The following PDE8B variants were observed in gnomAD, a reference collection of about 807,000 sequenced individuals.
The protein encoded by PDE8B is phosphodiesterase 8B, also known as high affinity cAMP-specific and IBMX-insensitive 3',5'-cyclic phosphodiesterase 8B.
A neutral mutation model predicts 101.3 loss-of-function variants in PDE8B; 26 were observed. That is an observed-to-expected ratio of 0.26 (90% CI 0.19 to 0.36). The LOEUF (loss-of-function observed/expected upper bound fraction) is 0.36, where lower values mean the gene tolerates loss of function less well. Ranked by LOEUF, PDE8B falls within the 10% of genes least tolerant of loss-of-function variation. The pLI, the probability that PDE8B is intolerant of heterozygous loss-of-function variation, is 1.00. For missense variants in PDE8B, 810 were observed against 1,163.1 expected (o/e 0.70, Z 4.42); for synonymous variants, 424 against 429.3 (o/e 0.99, Z 0.15).
intron 1 of PDE8B, among the ~76,000 whole-genome samples, chr5:77,218,338 T>C (rs537580451): frequency 6.6e-6 from 1 of 152,382 alleles, no homozygotes; most frequent in African/African-American, 2.4e-5. Context: ...TGCTATGAGC[T>C]ACACGTTATT....
intron 6 of PDE8B, among the ~76,000 whole-genome samples, chr5:77,343,127 T>C (rs1779515895): frequency 6.6e-6 from 1 of 152,236 alleles, no homozygotes; most frequent in East Asian, 1.9e-4. Flanking sequence ...TTTTGTATCA[T>C]ACACACAGAT....
At chr5:77,233,699 T>TGTGTGTGTGTGTGTGTGCGC (rs979930633) in intron 1 of PDE8B, among the ~76,000 whole-genome samples, 1 of 146,886 alleles carries the variant, frequency 6.8e-6, no homozygotes, top group African/African-American at 2.5e-5. Flanking sequence ...TGTGTGTGTG[T>TGTGTGTGTGTGTGTGTGCGC]GCAGTAGACT....
intron 1 of PDE8B, among the ~76,000 whole-genome samples, chr5:77,254,849 T>A (rs1259681121): frequency 6.6e-6 from 1 of 152,216 alleles, no homozygotes; most frequent in Non-Finnish European, 1.5e-5. Flanking sequence ...ACTATATTTC[T>A]TCATTTGTGT....
intron 1 of PDE8B, among the ~76,000 whole-genome samples, chr5:77,230,907 A>G (rs2149484892): frequency 6.6e-6 from 1 of 152,342 alleles, no homozygotes; most frequent in African/African-American, 2.4e-5. Context: ...TTTTGCCACC[A>G]CAGGAGGTGC....
the PDE8B span, among the ~76,000 whole-genome samples, chr5:77,153,064 G>A: frequency 0.025 from 3,864 of 152,258 alleles, 167 homozygotes; most frequent in African/African-American, 0.088. Flanking sequence ...AGGGGAATAA[G>A]GGAGGTGGTG....
intron 9 of PDE8B, among the ~76,000 whole-genome samples, chr5:77,352,788 G>T (rs1402792735): frequency 6.6e-6 from 1 of 152,152 alleles, no homozygotes; most frequent in Non-Finnish European, 1.5e-5. Flanking sequence ...GTCATCTTTT[G>T]CCCGGTTTTC....
intron 18 of PDE8B, among the ~76,000 whole-genome samples, chr5:77,419,206 C>G (rs548071074): frequency 1.3e-5 from 2 of 152,308 alleles, no homozygotes; most frequent in South Asian, 2.1e-4. Flanking sequence ...AAGAGCCATT[C>G]TGGCTCTTGA....
chr5:77,195,279 T>A, the PDE8B span, among the ~76,000 whole-genome samples: 2 of 152,152 alleles, frequency 1.3e-5, no homozygotes, highest in Non-Finnish European at 2.9e-5. Context: ...ATGGCATGAA[T>A]CCATTCATGA....
intron 1 of PDE8B, among the ~76,000 whole-genome samples, chr5:77,305,190 T>A (rs1216455260): frequency 1.3e-5 from 2 of 152,192 alleles, no homozygotes; most frequent in African/African-American, 2.4e-5. Context: ...ATTTTAGAGA[T>A]TCCAGTTATC....
At chr5:77,412,293 A>G in intron 16 of PDE8B, 58 bp downstream of exon 16, 1 of 1,579,084 alleles carries the variant, frequency 6.3e-7, no homozygotes, top group South Asian at 1.1e-5. Flanking sequence ...TCAAACTCTC[A>G]CATTTGGAAA....
intron 10 of PDE8B, among the ~76,000 whole-genome samples, chr5:77,390,118 G>T (rs547334072): frequency 6.6e-6 from 1 of 152,080 alleles, no homozygotes; most frequent in African/African-American, 2.4e-5. Flanking sequence ...AGACATTCTG[G>T]TGGGTGTGTA....
chr5:77,409,132 T>A, intron 14 of PDE8B, 75 bp downstream of exon 14: 1 of 1,268,902 alleles, frequency 7.9e-7, no homozygotes. Context: ...GTGGAAACTG[T>A]TACCTGTGGT....
At chr5:77,278,656 A>C (rs1764324245) in intron 1 of PDE8B, among the ~76,000 whole-genome samples, 1 of 152,052 alleles carries the variant, frequency 6.6e-6, no homozygotes, top group Non-Finnish European at 1.5e-5. Context: ...TTTTTAGTAG[A>C]GACGGGGTTT....
In PDE8B at chr5:77,419,866, C is replaced by A; in HGVS notation, c.2229C>A (p.Ile743=). 6.2e-7 allele frequency: 1 copy of A among 1,614,048 alleles called. No individual in the cohort carries two copies. The highest frequency in any genetic ancestry group is 8.5e-7 in the Non-Finnish European group (1 of 1,179,964). Residue 743 remains isoleucine (I), a synonymous_variant, in exon 19 of 22, where the codon ATC becomes ATA. Transcript: ENST00000264917. ...ATGTGAATAAGTTTGTGAACAGCAT[C>A]AACAAGCCAATGGCAGCTGAGGTGA... ...FEHVNKFVNS[I]NKPMAAEIEG... is the part of the protein sequence containing the mutation.
At chr5:77,179,399 G>T in the PDE8B span, among the ~76,000 whole-genome samples, 5 of 152,184 alleles carry the variant, frequency 3.3e-5, no homozygotes, top group African/African-American at 7.2e-5. Flanking sequence ...GAAGGAAAAG[G>T]CCTTGCAAAT....
chr5:77,383,517 T>G (rs1264446469), intron 10 of PDE8B, among the ~76,000 whole-genome samples: 1 of 152,160 alleles, frequency 6.6e-6, no homozygotes, highest in African/African-American at 2.4e-5. Context: ...ACTTCATGAT[T>G]AAAACATACC....
At chr5:77,197,305 C>T in the PDE8B span, among the ~76,000 whole-genome samples, 2 of 150,778 alleles carry the variant, frequency 1.3e-5, no homozygotes, top group African/African-American at 2.4e-5. Flanking sequence ...TTAGTAGAGT[C>T]GGGGTTTCAC....
At position 77,331,479 on chromosome 5, in the gene PDE8B, C is replaced by A; in HGVS notation, c.708+20C>A. On this transcript the variant is annotated intron_variant, in intron 5 of 21. Transcript: ENST00000264917. ...AACAGGGTATGTACAAGATATCCAG[C>A]ATCTCTCTCAGTTGCAGGCACCTTA... The A allele has an allele frequency of 6.3e-7, 1 of 1,595,254 alleles. No individual in the cohort carries two copies. The highest frequency in any genetic ancestry group is 8.6e-7 in the Non-Finnish European group (1 of 1,163,300).
At chr5:77,226,145 GT>G (rs1459867927) in intron 1 of PDE8B, among the ~76,000 whole-genome samples, 1 of 151,608 alleles carries the variant, frequency 6.6e-6, no homozygotes, top group African/African-American at 2.4e-5. Context: ...CTTCTTTAAT[GT>G]TTAGTTTAGT....
Sources: gnomAD v4.1 joint callset for allele counts (sites outside exome capture counted in the v4.1 genomes callset) on GRCh38, gnomAD v4.1.1 for gene constraint, MANE v1.5 for transcripts, NCBI Gene and HGNC (gene_info 2026-07-23, HGNC 2026-07-21) for gene names.